The following CD74 variants were observed in gnomAD, a reference collection of about 807,000 sequenced individuals.
CD74 encodes CD74 molecule.
A neutral mutation model predicts 37.1 loss-of-function variants in CD74; 20 were observed. The observed-to-expected ratio is 0.54, with a 90% CI of 0.38 to 0.78. CD74 has a LOEUF of 0.78. Ranked by LOEUF, CD74 falls within the 30% of genes least tolerant of loss-of-function variation. CD74 has a pLI of 0.00. For synonymous variants in CD74, 150 were observed against 152.0 expected (o/e 0.99, Z 0.10); for missense variants, 338 against 389.5 (o/e 0.87, Z 1.11).
chr5:150,408,041 C>G (rs889631118), intron 1 of CD74, among the ~76,000 whole-genome samples: 1 of 151,942 alleles, frequency 6.6e-6, no homozygotes, highest in African/African-American at 2.4e-5. Flanking sequence ...CCGCGCCCAG[C>G]CTTTTGTTTT....
rs1769622371 is a variant in CD74, at chr5:150,401,741, GTGGAAAACAT to G, written c.*489_*498del. 3.4e-6 allele frequency: 2 copies of G among 595,510 alleles called. No individual in the cohort carries two copies. Among genetic ancestry groups the G allele is most frequent in the South Asian group, 4.0e-5 (2 of 49,922 alleles). The allele number at this position is 595,510 out of a possible 1,614,324, so 36.9% of individuals were successfully genotyped here. A position where few individuals can be genotyped will look rare whatever the true frequency, so the allele number is the denominator to read the frequency against. On this transcript the variant is annotated 3_prime_UTR_variant, in exon 9 of 9. Coordinates refer to ENST00000009530, the MANE Select transcript of CD74 (RefSeq NM_001025159.3). ...TAGGGGTCGGCAGAAAGGATTATGG[GTGGAAAACAT>G]TGGCTCTTCCTTGGGGAGTGATGCT... is the stretch of plus-strand genomic sequence containing the variant.
chr5:150,408,033 G>A (rs11957906), intron 1 of CD74, among the ~76,000 whole-genome samples: 6,075 of 151,830 alleles, frequency 0.04, 167 homozygotes, highest in Middle Eastern at 0.085. Flanking sequence ...GTGAGTCACC[G>A]CGCCCAGCCT....
At position 150,403,062 on chromosome 5, in the gene CD74, CCCCTCAACCTTCCTAGT is replaced by C; in HGVS notation, c.817+42_817+58del. Reference sequence around the variant, plus strand: ...CATGTGCTTCAGAGGGGACCTCTTGCCCCTCAACCTTCCTAGTCCTTCCTGGTCCTCTGACACTGGCA... The same window carrying C: ...CATGTGCTTCAGAGGGGACCTCTTGCCCTTCCTGGTCCTCTGACACTGGCA... On this transcript the variant is annotated intron_variant, in intron 7 of 8. Transcript: ENST00000009530. This position sits in a 1 kb window ranked among gnomAD's most constrained non-coding sequence, Gnocchi z 4.5. The C allele has an allele frequency of 6.8e-7, 1 of 1,465,124 alleles. No homozygotes were observed. 90.8% of individuals were successfully genotyped at this position (1,465,124 alleles called of 1,614,324 possible). A position where few individuals can be genotyped will look rare whatever the true frequency, so the allele number is the denominator to read the frequency against.
rs887367079 is a variant in CD74 at position 150,402,990 on chromosome 5, G to GAC, written c.817+129_817+130dup. 2.0e-5 allele frequency: 14 copies of GAC among 700,448 alleles called. No homozygotes were observed. In the Middle Eastern group the frequency reaches 2.0e-3, roughly 100 times the overall value. 43.4% of individuals were successfully genotyped at this position (700,448 alleles called of 1,614,324 possible). A position where few individuals can be genotyped will look rare whatever the true frequency, so the allele number is the denominator to read the frequency against. ...TGGATGGATAAAGGGCTGGACGCATGACTACGTCACTGCCCCCAGGAGCTG... is the reference window on the plus strand; with the variant it reads ...TGGATGGATAAAGGGCTGGACGCATGACACTACGTCACTGCCCCCAGGAGCTG... On this transcript the variant is annotated intron_variant, in intron 7 of 8. Transcript: ENST00000009530. The surrounding 1 kb of genome is among the most constrained non-coding windows in gnomAD (Gnocchi z 4.2).
chr5:150,406,771 AG>A (rs1260534388), intron 3 of CD74, 109 bp downstream of exon 3: 1 of 691,966 alleles, frequency 1.4e-6, no homozygotes. Context: ...CTCCCGCAGC[AG>A]TCAGGACCCC....
At chr5:150,412,212 G>A (rs1175132974) in intron 1 of CD74, among the ~76,000 whole-genome samples, 3 of 152,196 alleles carry the variant, frequency 2.0e-5, no homozygotes, top group Non-Finnish European at 1.5e-5. Context: ...TGATCTGCCC[G>A]CCTCAGCCTC....
At position 150,407,144 on chromosome 5, in the gene CD74, G is replaced by A. The variant is rs1411455779; in HGVS notation, c.298+8C>T. ...GTGGGGGGTATCAGGATGTAGGGGTGCACGCACGCTTGGGAAGCTTCATGC... is the reference window on the plus strand; with the variant it reads ...GTGGGGGGTATCAGGATGTAGGGGTACACGCACGCTTGGGAAGCTTCATGC... On this transcript the variant is annotated splice_region_variant and intron_variant, in intron 2 of 8. Coordinates refer to ENST00000009530, the MANE Select transcript of CD74 (RefSeq NM_001025159.3). The surrounding 1 kb of genome is among the most constrained non-coding windows in gnomAD (Gnocchi z 4.4). 6.2e-7 allele frequency: 1 copy of A among 1,612,506 alleles called. No homozygotes were observed. Among genetic ancestry groups the A allele is most frequent in the Admixed American group, 1.7e-5 (1 of 59,926 alleles).
chr5:150,412,286 G>A (rs2151187006), intron 1 of CD74, among the ~76,000 whole-genome samples: 1 of 152,298 alleles, frequency 6.6e-6, no homozygotes, highest in East Asian at 1.9e-4. Flanking sequence ...CTTTAACCTA[G>A]CATTCACAGC....
chr5:150,404,936 A>G, intron 5 of CD74, 149 bp downstream of exon 5: 1 of 853,868 alleles, frequency 1.2e-6, no homozygotes, highest in Non-Finnish European at 1.9e-6. Flanking sequence ...AACCCCACAT[A>G]CTCTGCAGCA....
chr5:150,408,330 C>T (rs111604138), intron 1 of CD74, among the ~76,000 whole-genome samples: 8 of 152,114 alleles, frequency 5.3e-5, no homozygotes, highest in Non-Finnish European at 1.0e-4. Context: ...CAGGGCCAGG[C>T]ACCACCCACT....
In CD74 at chr5:150,402,208, TG is replaced by T; in HGVS notation, c.*31del. ...CAAGAAAGCTGTAGCTGTGTGGGGC[TG>T]GCAGGATGTTGAAGACCGCCTCTGC... On this transcript the variant is annotated 3_prime_UTR_variant, in exon 9 of 9. Coordinates refer to ENST00000009530, the MANE Select transcript of CD74 (RefSeq NM_001025159.3). This position sits in a 1 kb window ranked among gnomAD's most constrained non-coding sequence, Gnocchi z 4.2. The T allele has an allele frequency of 1.3e-6, 2 of 1,597,284 alleles. No individual in the cohort carries two copies. Among genetic ancestry groups the T allele is most frequent in the Admixed American group, 1.7e-5 (1 of 57,168 alleles).
At chr5:150,405,530 TCTGCCTCTTTCTTCACAAAGCCCC>T (rs1321633489) in intron 4 of CD74, 2 of 615,474 alleles carry the variant, frequency 3.2e-6, no homozygotes, top group Non-Finnish European at 4.2e-6. Context: ...GGTTGAGTCC[TCTGCCTCTTTCTTCACAAAGCCCC>T]CTGCACTTCT....
rs756115927 is a variant in CD74, at chr5:150,403,165, G to A, written c.773C>T (p.Thr258Met). Reference protein sequence around the residue: ...GYCWCVFPNGTEVPNTRSRGH... With the variant: ...GYCWCVFPNGMEVPNTRSRGH... ...GCGGCTTCTGGTGTTGGGGACCTCC[G>A]TGCCGTTGGGGAAGACACACCAGCA... Residue 258 changes from threonine (T) to methionine (M), a missense_variant, in exon 7 of 9, where the codon ACG (threonine) becomes ATG (methionine). Physicochemically the swap from Thr to Met is moderately conservative, Grantham distance 81. Coordinates refer to ENST00000009530, the MANE Select transcript of CD74 (RefSeq NM_001025159.3). The surrounding 1 kb of genome is among the most constrained non-coding windows in gnomAD (Gnocchi z 4.5). The A allele has an allele frequency of 8.1e-6, 13 of 1,613,864 alleles. No individual in the cohort carries two copies. Among genetic ancestry groups the A allele is most frequent in the East Asian group, 2.2e-5 (1 of 44,894 alleles).
intron 1 of CD74, among the ~76,000 whole-genome samples, chr5:150,410,262 T>C (rs1157772749): frequency 6.6e-6 from 1 of 152,096 alleles, no homozygotes; most frequent in Non-Finnish European, 1.5e-5. Context: ...CATGGGACAG[T>C]ACCTTCCCCT....
At position 150,403,160 on chromosome 5, in the gene CD74, C is replaced by A. The variant is rs1769742351; in HGVS notation, c.778G>T (p.Val260Phe). Residue 260 changes from valine (V) to phenylalanine (F), a missense_variant, in exon 7 of 9, where the codon GTC (valine) becomes TTC (phenylalanine). By Grantham distance (50) the Val-to-Phe change is conservative (BLOSUM62 -1). Coordinates refer to ENST00000009530, the MANE Select transcript of CD74 (RefSeq NM_001025159.3). This position sits in a 1 kb window ranked among gnomAD's most constrained non-coding sequence, Gnocchi z 4.5. ...TGCCCGCGGCTTCTGGTGTTGGGGACCTCCGTGCCGTTGGGGAAGACACAC... is the reference window on the plus strand; with the variant it reads ...TGCCCGCGGCTTCTGGTGTTGGGGAACTCCGTGCCGTTGGGGAAGACACAC... ...CWCVFPNGTE[V>F]PNTRSRGHHN... is the part of the protein sequence containing the mutation. The A allele has an allele frequency of 6.2e-7, 1 of 1,614,002 alleles. No homozygotes were observed. Among genetic ancestry groups the A allele is most frequent in the Non-Finnish European group, 8.5e-7 (1 of 1,179,886 alleles).
At chr5:150,405,906 C>G (rs542799317) in intron 4 of CD74, 1 of 210,806 alleles carries the variant, frequency 4.7e-6, no homozygotes, top group South Asian at 7.9e-5. Context: ...TCATGAGTAG[C>G]TGGGATTACA....
At position 150,402,209 on chromosome 5, in the gene CD74, G is replaced by A. The variant is rs533340010; in HGVS notation, c.*31C>T. ...AAGAAAGCTGTAGCTGTGTGGGGCT[G>A]GCAGGATGTTGAAGACCGCCTCTGC... is the stretch of plus-strand genomic sequence containing the variant. On this transcript the variant is annotated 3_prime_UTR_variant, in exon 9 of 9. Coordinates refer to ENST00000009530, the MANE Select transcript of CD74 (RefSeq NM_001025159.3). The surrounding 1 kb of genome is among the most constrained non-coding windows in gnomAD (Gnocchi z 4.2). 5 of 1,597,686 alleles carry A rather than the reference G, an allele frequency of 3.1e-6. No individual in the cohort carries two copies. The highest frequency in any genetic ancestry group is 3.5e-5 in the Admixed American group (2 of 57,232).
intron 2 of CD74, 27 bp from the exon 3 acceptor site, chr5:150,406,987 G>T: frequency 1.3e-6 from 2 of 1,562,404 alleles, no homozygotes; most frequent in Non-Finnish European, 1.7e-6. Flanking sequence ...GAGGGTAAGT[G>T]TGGCCCCGGT....
chr5:150,402,590 C>A lies in CD74; in HGVS notation c.853G>T (p.Gly285Cys). The part of the protein sequence containing the change: ...LELEDPSSGL[G>C]VTKQDLGPVP... ...GGGCCCAGATCCTGCTTGGTCACAC[C>A]CAGCCCAGAAGACGGGTCCTCCAGT... The change falls in exon 8 of 9, where the codon GGT (glycine) becomes TGT (cysteine). Residue 285 changes from glycine (G) to cysteine (C), a missense_variant. Transcript: ENST00000009530. This position sits in a 1 kb window ranked among gnomAD's most constrained non-coding sequence, Gnocchi z 4.2. 1 of 1,613,672 alleles carries A rather than the reference C, an allele frequency of 6.2e-7. No homozygotes were observed. Among genetic ancestry groups the A allele is most frequent in the South Asian group, 1.1e-5 (1 of 91,026 alleles).
Sources: gnomAD v4.1 joint callset for allele counts (sites outside exome capture counted in the v4.1 genomes callset) on GRCh38, gnomAD v4.1.1 for gene constraint, Gnocchi (gnomAD v3.1) non-coding constraint, MANE v1.5 for transcripts, NCBI Gene and HGNC (gene_info 2026-07-23, HGNC 2026-07-21) for gene names.